The following MARK3 variants were observed in gnomAD, a reference collection of about 807,000 sequenced individuals.
The protein encoded by MARK3 is microtubule affinity regulating kinase 3, also known as MAP/microtubule affinity-regulating kinase 3.
A neutral mutation model predicts 90.1 loss-of-function variants in MARK3; 46 were observed. The observed-to-expected ratio is 0.51, with a 90% confidence interval of 0.40 to 0.65. The LOEUF is 0.65. Among genes scored for constraint, MARK3 ranks in the 30% least tolerant of loss-of-function variants. The pLI is 0.00. For missense variants in MARK3, 818 were observed against 947.2 expected (o/e 0.86, Z 1.79); for synonymous variants, 321 against 332.6 (o/e 0.97, Z 0.38).
chr14:103,446,132 A>G (rs2092989394), intron 3 of MARK3, among the ~76,000 whole-genome samples: 1 of 152,212 alleles, frequency 6.6e-6, no homozygotes, highest in Non-Finnish European at 1.5e-5. Context: ...AAGTGAACAG[A>G]TGGGCTATGA....
At position 103,479,799 on chromosome 14, in the gene MARK3, G is replaced by A. The variant is rs534192581; in HGVS notation, c.1483-588G>A. ...GGGATTACAGGCATGCACCACCACA[G>A]CCAGCTAATTTTGTATTTTTAGCAG... On this transcript the variant is annotated intron_variant, in intron 13 of 17. Coordinates refer to ENST00000429436, the MANE Select transcript of MARK3 (RefSeq NM_001128918.3). Among the ~76,000 whole-genome samples, 141 of 151,712 alleles carry A rather than the reference G, an allele frequency of 9.3e-4. 2 individuals carry two copies. The highest frequency in any genetic ancestry group is 3.4e-3 in the African/African-American group (140 of 41,354).
chr14:103,426,509 C>T (rs1020294311), intron 2 of MARK3, among the ~76,000 whole-genome samples: 1 of 152,114 alleles, frequency 6.6e-6, no homozygotes, highest in Non-Finnish European at 1.5e-5. Flanking sequence ...GTAGGAAGCA[C>T]AGCCTCTTTG....
intron 2 of MARK3, among the ~76,000 whole-genome samples, chr14:103,420,527 G>A (rs1249382739): frequency 6.6e-6 from 1 of 152,030 alleles, no homozygotes; most frequent in African/African-American, 2.4e-5. Flanking sequence ...CACCACACCT[G>A]GCCAACACTT....
At chr14:103,437,138 T>G (rs1030032194) in intron 3 of MARK3, among the ~76,000 whole-genome samples, 1 of 152,182 alleles carries the variant, frequency 6.6e-6, no homozygotes, top group Middle Eastern at 3.4e-3. Flanking sequence ...GTTTGTTTAT[T>G]TTTAGATTTC....
At chr14:103,477,613 G>A (rs909600431) in intron 13 of MARK3, among the ~76,000 whole-genome samples, 6 of 152,212 alleles carry the variant, frequency 3.9e-5, no homozygotes, top group African/African-American at 1.2e-4. Flanking sequence ...TGGGCAATGC[G>A]GTGGCATTTG....
chr14:103,497,983 G>A (rs1337516488), intron 15 of MARK3, among the ~76,000 whole-genome samples: 2 of 152,124 alleles, frequency 1.3e-5, no homozygotes, highest in Admixed American at 6.5e-5. Flanking sequence ...CTGGGAGGCC[G>A]AGGTGGGCTG....
intron 2 of MARK3, chr14:103,412,081 T>C: frequency 1.7e-6 from 1 of 594,276 alleles, no homozygotes; most frequent in Non-Finnish European, 2.5e-6. Context: ...GTTTTTTGTT[T>C]TTTTTACTAG....
chr14:103,425,252 A>T (rs202191079), intron 2 of MARK3, among the ~76,000 whole-genome samples: 22 of 67,108 alleles, frequency 3.3e-4, no homozygotes, highest in African/African-American at 1.3e-3. Context: ...TTTATTTATT[A>T]TTTATTTATT....
intron 1 of MARK3, among the ~76,000 whole-genome samples, chr14:103,388,306 A>G (rs1036226000): frequency 5.3e-5 from 8 of 152,190 alleles, no homozygotes; most frequent in Admixed American, 4.6e-4. Flanking sequence ...TTAATTTACC[A>G]TGCCCTGTTA....
chr14:103,422,074 C>A (rs2092243007), intron 2 of MARK3, among the ~76,000 whole-genome samples: 1 of 152,102 alleles, frequency 6.6e-6, no homozygotes, highest in Non-Finnish European at 1.5e-5. Context: ...TGCTTGTAGT[C>A]TTACTTGTTT....
intron 3 of MARK3, among the ~76,000 whole-genome samples, chr14:103,442,390 A>G (rs1244379263): frequency 6.6e-6 from 1 of 151,504 alleles, no homozygotes; most frequent in Non-Finnish European, 1.5e-5. Context: ...AAATAACAGC[A>G]CTTCCATTAG....
intron 2 of MARK3, among the ~76,000 whole-genome samples, chr14:103,423,259 A>G (rs2092290438): frequency 7.8e-6 from 1 of 129,008 alleles, no homozygotes; most frequent in African/African-American, 3.1e-5. Flanking sequence ...ACTTTCAGAA[A>G]CAGGGTGTTA....
In MARK3 at chr14:103,412,338, C is replaced by T. The variant is rs1595536806; in HGVS notation, c.243+7071C>T. 6 of 630,076 alleles carry T rather than the reference C, an allele frequency of 9.5e-6. No homozygotes were observed. The East Asian group carries it at 1.4e-4, about 15-fold the overall frequency. 39.0% of individuals were successfully genotyped at this position (630,076 alleles called of 1,614,324 possible). On this transcript the variant is annotated intron_variant, in intron 2 of 17. Coordinates refer to ENST00000429436, the MANE Select transcript of MARK3 (RefSeq NM_001128918.3). ...GACTTCGCCTCATCCACTTTGGCCA[C>T]CGTGTTTTCATCGTGTGTGAGCAGG...
intron 5 of MARK3, among the ~76,000 whole-genome samples, chr14:103,452,706 C>T (rs538188005): frequency 5.9e-5 from 9 of 151,822 alleles, no homozygotes; most frequent in South Asian, 2.1e-4. Context: ...CTCCTGACCT[C>T]GTGATCCGCC....
Position 103,503,143 on chromosome 14 carries a change from C to CG in MARK3, c.2182dup (p.Val728GlyfsTer4). 1 of 1,614,206 alleles carries CG rather than the reference C, an allele frequency of 6.2e-7. No individual in the cohort carries two copies. Among genetic ancestry groups the CG allele is most frequent in the Non-Finnish European group, 8.5e-7 (1 of 1,180,046 alleles). On this transcript the variant is annotated frameshift_variant, in exon 18 of 18. Transcript: ENST00000429436. LOFTEE classifies it high-confidence loss of function. ...GCAAGCTGCCAAGACTGTCTCTGAACGGGGTCCGGTTTAAGCGGATATCGG... is the reference window on the plus strand; with the variant it reads ...GCAAGCTGCCAAGACTGTCTCTGAACGGGGGTCCGGTTTAAGCGGATATCGG...
intron 2 of MARK3, among the ~76,000 whole-genome samples, chr14:103,420,550 TG>T (rs2140950734): frequency 6.6e-6 from 1 of 152,322 alleles, no homozygotes; most frequent in South Asian, 2.1e-4. Context: ...TTTGTGTGTG[TG>T]GTAAAATACA....
intron 3 of MARK3, among the ~76,000 whole-genome samples, chr14:103,448,086 G>T (rs2093040381): frequency 6.6e-6 from 1 of 152,120 alleles, no homozygotes; most frequent in Non-Finnish European, 1.5e-5. Context: ...TTTTCTTAAG[G>T]TCTCACCTGG....
At chr14:103,476,616 A>C (rs2093719275) in intron 13 of MARK3, among the ~76,000 whole-genome samples, 1 of 152,192 alleles carries the variant, frequency 6.6e-6, no homozygotes, top group Non-Finnish European at 1.5e-5. Flanking sequence ...CAGAGAAGTA[A>C]ACAATCTTAA....
chr14:103,467,982 G>A, intron 11 of MARK3, 51 bp from the exon 12 acceptor site: 2 of 1,583,920 alleles, frequency 1.3e-6, no homozygotes, highest in Non-Finnish European at 1.7e-6. Context: ...TTCCTAATAA[G>A]CCATTTGGGT....
Sources: allele counts gnomAD v4.1 joint callset (sites outside exome capture counted in the v4.1 genomes callset), GRCh38; gene constraint gnomAD v4.1.1; transcripts MANE v1.5; gene names NCBI Gene and HGNC (gene_info 2026-07-23, HGNC 2026-07-21).